The following VWA8 variants were observed in gnomAD, a reference collection of about 807,000 sequenced individuals.
The protein encoded by VWA8 is von Willebrand factor A domain-containing protein 8.
In VWA8, 221 loss-of-function variants were observed where a neutral mutation model predicts 241.5. That is an observed-to-expected ratio of 0.91 (90% CI 0.82 to 1.02). The LOEUF (loss-of-function observed/expected upper bound fraction) is 1.02. VWA8 is among the 50% of genes least tolerant of loss of function. VWA8 has a pLI of 0.00. For synonymous variants in VWA8, 852 were observed against 827.1 expected (o/e 1.03, Z -0.52); for missense variants, 2,322 against 2,328.7 (o/e 1.00, Z 0.06).
chr13:41,768,798 G>A (rs1003510520), intron 20 of VWA8, among the ~76,000 whole-genome samples: 2 of 152,012 alleles, frequency 1.3e-5, no homozygotes, highest in African/African-American at 4.8e-5. Context: ...TGACAGGAGG[G>A]TACATCTTTC....
At chr13:41,929,335 T>C (rs927589098) in intron 2 of VWA8, among the ~76,000 whole-genome samples, 4 of 151,982 alleles carry the variant, frequency 2.6e-5, no homozygotes, top group Admixed American at 6.6e-5. Flanking sequence ...AATTTTTTTA[T>C]AGAGACAGGG....
At chr13:41,592,919 C>T (rs9532899) in intron 40 of VWA8, among the ~76,000 whole-genome samples, 2,389 of 152,250 alleles carry the variant, frequency 0.016, 35 homozygotes, top group Middle Eastern at 0.034. Flanking sequence ...TCTTACTTGG[C>T]ATCAGCTAAG....
At chr13:41,826,444 G>T (rs918601327) in intron 14 of VWA8, among the ~76,000 whole-genome samples, 4 of 152,006 alleles carry the variant, frequency 2.6e-5, no homozygotes, top group African/African-American at 9.7e-5. Context: ...ATAATAAAAG[G>T]TACAAGAAAA....
chr13:41,744,547 G>C (rs2045590100), intron 21 of VWA8, among the ~76,000 whole-genome samples: 1 of 152,138 alleles, frequency 6.6e-6, no homozygotes, highest in Admixed American at 6.6e-5. Context: ...ATCATCTGAA[G>C]ATTCTGGCTA....
chr13:41,648,982 G>C lies in VWA8; in HGVS notation c.4611+21964C>G, dbSNP rs1248832287. ...GTGGATCACATGAGGCCAGGAGTTC[G>C]ATACCAGCTTGGCCAACATGGTGAA... is the stretch of plus-strand genomic sequence containing the variant. On this transcript the variant is annotated intron_variant, in intron 37 of 44. Transcript: ENST00000379310. 2.0e-5 allele frequency among the ~76,000 whole-genome samples: 3 copies of C among 152,180 alleles called. No individual in the cohort carries two copies. The East Asian group carries it at 5.8e-4, about 29-fold the overall frequency.
At chr13:41,767,574 A>C (rs758213799) in intron 20 of VWA8, among the ~76,000 whole-genome samples, 10 of 152,366 alleles carry the variant, frequency 6.6e-5, no homozygotes, top group Non-Finnish European at 1.3e-4. Context: ...AAAATTATTA[A>C]AACTGAATAG....
Position 41,883,213 on chromosome 13 carries a change from T to C in VWA8, c.1080+174A>G, listed in dbSNP as rs117554619. Among the ~76,000 whole-genome samples the C allele has an allele frequency of 7.9e-5, 12 of 152,162 alleles. No individual in the cohort carries two copies. The East Asian group carries it at 2.3e-3, about 29-fold the overall frequency. On this transcript the variant is annotated intron_variant, in intron 9 of 44. Transcript: ENST00000379310. ...CCTATTTATCACAGCTGTCTTCTTG[T>C]TGGAATGCTGATACCTCCATGCCTG...
At chr13:41,661,984 A>G (rs2044952897) in intron 37 of VWA8, among the ~76,000 whole-genome samples, 1 of 152,098 alleles carries the variant, frequency 6.6e-6, no homozygotes, top group South Asian at 2.1e-4. Context: ...TGGACAGTCT[A>G]TTCTGTTTCA....
At chr13:41,797,041 T>C (rs1869735969) in intron 17 of VWA8, among the ~76,000 whole-genome samples, 1 of 152,142 alleles carries the variant, frequency 6.6e-6, no homozygotes, top group Non-Finnish European at 1.5e-5. Context: ...TTTCTTTTTT[T>C]CTTTTTTGAG....
chr13:41,584,066 T>A (rs2044401560), intron 42 of VWA8, among the ~76,000 whole-genome samples: 1 of 152,110 alleles, frequency 6.6e-6, no homozygotes, highest in South Asian at 2.1e-4. Flanking sequence ...GAGAGTACTG[T>A]AAATATTTGG....
chr13:41,915,258 A>G (rs1876197417), intron 2 of VWA8, among the ~76,000 whole-genome samples: 1 of 152,214 alleles, frequency 6.6e-6, no homozygotes, highest in Admixed American at 6.5e-5. Context: ...CCACTTCAGC[A>G]TGATGCACAT....
intron 7 of VWA8, among the ~76,000 whole-genome samples, chr13:41,886,422 G>T (rs573767701): frequency 2.0e-5 from 3 of 151,764 alleles, no homozygotes; most frequent in African/African-American, 7.3e-5. Context: ...TGTTGTGTTC[G>T]AATTTCTTGA....
intron 43 of VWA8, among the ~76,000 whole-genome samples, chr13:41,572,334 A>G (rs1046327934): frequency 1.3e-5 from 2 of 152,248 alleles, no homozygotes; most frequent in African/African-American, 4.8e-5. Context: ...GGCCATGATG[A>G]CGATGGCGGC....
At position 41,675,309 on chromosome 13, in the gene VWA8, C is replaced by A; in HGVS notation, c.4328-13G>T. ...GGAGGAGTAACATCTACAAACAAGTCATGACATGAGCCAAGTATTAAATTA... is the reference window on the plus strand; with the variant it reads ...GGAGGAGTAACATCTACAAACAAGTAATGACATGAGCCAAGTATTAAATTA... On this transcript the variant is annotated splice_polypyrimidine_tract_variant and intron_variant, in intron 35 of 44. Transcript: ENST00000379310. The A allele has an allele frequency of 1.3e-6, 2 of 1,595,370 alleles. No individual in the cohort carries two copies. Among genetic ancestry groups the A allele is most frequent in the South Asian group, 2.2e-5 (2 of 89,356 alleles).
At chr13:41,593,258 C>T (rs1203220715) in intron 40 of VWA8, among the ~76,000 whole-genome samples, 1 of 152,198 alleles carries the variant, frequency 6.6e-6, no homozygotes, top group Non-Finnish European at 1.5e-5. Flanking sequence ...TTAATGCAAA[C>T]ATCACCAGCA....
chr13:41,683,422 G>T (rs770802911), intron 35 of VWA8, among the ~76,000 whole-genome samples: 1 of 152,090 alleles, frequency 6.6e-6, no homozygotes, highest in African/African-American at 2.4e-5. Context: ...AAAGAAATCA[G>T]GTCAGTGATA....
In VWA8 at chr13:41,811,225, CT is replaced by C; in HGVS notation, c.2062del (p.Arg688GlyfsTer11). Reference sequence around the variant, plus strand: ...ACGCAGTGAGAAAGAATATGTTTACCTGGAAAGGCAGGCTTTAGTAACAGCA... The same window carrying C: ...ACGCAGTGAGAAAGAATATGTTTACCGGAAAGGCAGGCTTTAGTAACAGCA... ...HSAVTKACLS[R>X]FLPSLARSAL... On this transcript the variant is annotated frameshift_variant and splice_region_variant, in exon 17 of 45. Coordinates refer to ENST00000379310, the MANE Select transcript of VWA8 (RefSeq NM_015058.2). LOFTEE classifies it high-confidence loss of function. 5.0e-6 allele frequency: 8 copies of C among 1,600,152 alleles called. No homozygotes were observed. Among genetic ancestry groups the C allele is most frequent in the Non-Finnish European group, 6.8e-6 (8 of 1,169,036 alleles).
intron 35 of VWA8, among the ~76,000 whole-genome samples, chr13:41,678,550 A>G (rs980151799): frequency 2.0e-5 from 3 of 152,212 alleles, no homozygotes; most frequent in African/African-American, 7.2e-5. Flanking sequence ...CTGCCTCGCT[A>G]ACTAACTTAC....
chr13:41,591,619 G>GA, intron 40 of VWA8, among the ~76,000 whole-genome samples: 1 of 151,246 alleles, frequency 6.6e-6, no homozygotes, highest in South Asian at 2.1e-4. Context: ...AAATTTACAA[G>GA]AAAAAAACAA....
Sources: gnomAD v4.1 joint callset for allele counts (sites outside exome capture counted in the v4.1 genomes callset) on GRCh38, gnomAD v4.1.1 for gene constraint, MANE v1.5 for transcripts, NCBI Gene and HGNC (gene_info 2026-07-23, HGNC 2026-07-21) for gene names.